The following AMMECR1L variants were observed in gnomAD, a reference collection of about 807,000 sequenced individuals.
The protein encoded by AMMECR1L is AMMECR1 like.
Under a neutral mutation model 36.8 loss-of-function variants are expected in AMMECR1L, and 4 were observed. That is an observed-to-expected ratio of 0.11 (90% CI 0.05 to 0.25). The LOEUF is 0.25. Ranked by LOEUF, AMMECR1L falls within the 10% of genes least tolerant of loss-of-function variation. The pLI is 1.00. For missense variants in AMMECR1L, 232 were observed against 392.1 expected, an observed-to-expected ratio of 0.59 and a Z score of 3.45; for synonymous variants, 147 against 148.0, an observed-to-expected ratio of 0.99 and a Z score of 0.05.
chr2:127,878,313 T>A (rs1691339663), intron 2 of AMMECR1L, among the ~76,000 whole-genome samples: 1 of 152,090 alleles, frequency 6.6e-6, no homozygotes, highest in Non-Finnish European at 1.5e-5. Context: ...GAGCTAGAGA[T>A]ACAGGTCAGA....
In AMMECR1L at chr2:127,869,697, A is replaced by T. The variant is rs1690870542; in HGVS notation, c.634-153T>A. Among the ~76,000 whole-genome samples the T allele has an allele frequency of 6.6e-6, 1 of 152,198 alleles. No individual in the cohort carries two copies. Among genetic ancestry groups the T allele is most frequent in the Non-Finnish European group, 1.5e-5 (1 of 68,034 alleles). On this transcript the variant is annotated intron_variant, in intron 5 of 7. Transcript: ENST00000272647. The surrounding 1 kb of genome is among the most constrained non-coding windows in gnomAD (Gnocchi z 4.7). ...ATTTCATGACTAATTCTATCTCAGG[A>T]GGTATAGAGGCCAAAGAAAGTTCTG... is the stretch of plus-strand genomic sequence containing the variant.
rs1573532380 is a variant in AMMECR1L, at chr2:127,864,759, A to G, written c.*335T>C. The G allele has an allele frequency of 5.7e-6, 1 of 175,602 alleles. No individual in the cohort carries two copies. The highest frequency in any genetic ancestry group is 1.2e-5 in the Non-Finnish European group (1 of 83,330). 10.9% of individuals were successfully genotyped at this position (175,602 alleles called of 1,614,324 possible). ...TCAACCTTCAGGGATCATCAATTTC[A>G]GCTTCCAGCGTGTGGCCAATACCCC... On this transcript the variant is annotated 3_prime_UTR_variant, in exon 8 of 8. Transcript: ENST00000272647.
At position 127,869,560 on chromosome 2, in the gene AMMECR1L, C is replaced by T; in HGVS notation, c.634-16G>A. ...GGACCCCTACCTATAGAAAAAAGTA[C>T]AACCAAGTAAATGGCATTTACTTAC... On this transcript the variant is annotated splice_polypyrimidine_tract_variant and intron_variant, in intron 5 of 7. Coordinates refer to ENST00000272647, the MANE Select transcript of AMMECR1L (RefSeq NM_001199140.2). This position sits in a 1 kb window ranked among gnomAD's most constrained non-coding sequence, Gnocchi z 4.7. 3 of 1,597,234 alleles carry T rather than the reference C, an allele frequency of 1.9e-6. No individual in the cohort carries two copies. Among genetic ancestry groups the T allele is most frequent in the Non-Finnish European group, 2.6e-6 (3 of 1,164,712 alleles).
At chr2:127,885,468 A>T (rs1691726952) in intron 1 of AMMECR1L, 1 of 981,436 alleles carries the variant, frequency 1.0e-6, no homozygotes, top group African/African-American at 1.8e-5. Context: ...GCCGGAGACC[A>T]CCAAACTTTA....
At chr2:127,870,327 T>C (rs1165843225) in intron 5 of AMMECR1L, among the ~76,000 whole-genome samples, 10 of 133,324 alleles carry the variant, frequency 7.5e-5, no homozygotes, top group Non-Finnish European at 1.1e-4. Flanking sequence ...AAAAAAAAAA[T>C]AGCTGGGCAT....
chr2:127,885,685 G>A, intron 1 of AMMECR1L, 125 bp downstream of exon 1: 3 of 983,702 alleles, frequency 3.0e-6, no homozygotes, highest in Non-Finnish European at 3.6e-6. Flanking sequence ...CAGGACCGCG[G>A]GGTCTCTTCC....
Position 127,873,489 on chromosome 2 carries a change from T to A in AMMECR1L, c.407+339A>T, listed in dbSNP as rs141136872. 1 of 985,338 alleles carries A rather than the reference T, an allele frequency of 1.0e-6. No homozygotes were observed. Among genetic ancestry groups the A allele is most frequent in the Non-Finnish European group, 1.2e-6 (1 of 829,942 alleles). The allele number at this position is 985,338 out of a possible 1,614,324, so 61.0% of individuals were successfully genotyped here. Reference sequence around the variant, plus strand: ...CTCACCTGGACTTCAACACTATGGGTGTCCCCAATGGTATGGCGTGACTTC... The same window carrying A: ...CTCACCTGGACTTCAACACTATGGGAGTCCCCAATGGTATGGCGTGACTTC... On this transcript the variant is annotated intron_variant, in intron 3 of 7. Transcript: ENST00000272647. This position sits in a 1 kb window ranked among gnomAD's most constrained non-coding sequence, Gnocchi z 5.2.
intron 2 of AMMECR1L, among the ~76,000 whole-genome samples, chr2:127,883,171 A>G (rs1220339501): frequency 6.7e-6 from 1 of 149,174 alleles, no homozygotes; most frequent in Non-Finnish European, 1.5e-5. Flanking sequence ...ATCTCAGCTC[A>G]CTGCAACCTC....
chr2:127,862,886 A>C lies in AMMECR1L; in HGVS notation c.*2208T>G, dbSNP rs1411843765. 1 of 152,174 alleles carries C rather than the reference A, an allele frequency of 6.6e-6. No homozygotes were observed. Among genetic ancestry groups the C allele is most frequent in the Non-Finnish European group, 1.5e-5 (1 of 68,016 alleles). The allele number at this position is 152,174 out of a possible 1,614,324, so 9.4% of individuals were successfully genotyped here. ...CCTCGATAAAATAAAATAAAATAAA[A>C]TAAAATAATAAAATAAAATAACATA... is the stretch of plus-strand genomic sequence containing the variant. On this transcript the variant is annotated 3_prime_UTR_variant, in exon 8 of 8. Coordinates refer to ENST00000272647, the MANE Select transcript of AMMECR1L (RefSeq NM_001199140.2).
In AMMECR1L at chr2:127,866,870, AATG is replaced by A. The variant is rs1379948174; in HGVS notation, c.821+27_821+29del. 3.1e-6 allele frequency: 5 copies of A among 1,593,646 alleles called. No homozygotes were observed. In the African/African-American group the frequency reaches 4.0e-5, roughly 13 times the overall value. On this transcript the variant is annotated intron_variant, in intron 7 of 7. Coordinates refer to ENST00000272647, the MANE Select transcript of AMMECR1L (RefSeq NM_001199140.2). ...CTCCATTCAACCCCAACTAAATTGA[AATG>A]ATAAGGAAAACAAGACAATGGCTTA... is the stretch of plus-strand genomic sequence containing the variant.
intron 6 of AMMECR1L, chr2:127,867,308 C>T (rs1231596050): frequency 1.0e-6 from 1 of 985,314 alleles, no homozygotes; most frequent in East Asian, 1.1e-4. Flanking sequence ...CCAACTTAGA[C>T]CAGCCTATTG....
intron 2 of AMMECR1L, among the ~76,000 whole-genome samples, chr2:127,883,469 CCT>C (rs531692333): frequency 2.0e-3 from 303 of 152,246 alleles, no homozygotes; most frequent in African/African-American, 7.1e-3. Context: ...TTTCACCTCC[CCT>C]CTGTTTTCTA....
intron 2 of AMMECR1L, among the ~76,000 whole-genome samples, chr2:127,881,070 C>T (rs1691480116): frequency 6.8e-6 from 1 of 146,490 alleles, no homozygotes; most frequent in African/African-American, 2.6e-5. Flanking sequence ...GTCATCCTTG[C>T]TAAAACATAC....
chr2:127,876,196 A>C (rs892834524), intron 2 of AMMECR1L, among the ~76,000 whole-genome samples: 9 of 152,184 alleles, frequency 5.9e-5, no homozygotes, highest in Non-Finnish European at 1.2e-4. Flanking sequence ...AAAAAATAAA[A>C]AAAATTAGCT....
intron 2 of AMMECR1L, among the ~76,000 whole-genome samples, chr2:127,883,117 A>T (rs867046764): frequency 8.8e-6 from 1 of 113,440 alleles, no homozygotes. Flanking sequence ...TTTTTTTTTT[A>T]GACAGAGTCT....
At position 127,862,166 on chromosome 2, in the gene AMMECR1L, G is replaced by T. The variant is rs1310788303; in HGVS notation, c.*2928C>A. Reference sequence around the variant, plus strand: ...TTACAGAGAGAATGTCCTAGCTGTGGGTATTATGAGACAAGCCAACTTTCC... The same window carrying T: ...TTACAGAGAGAATGTCCTAGCTGTGTGTATTATGAGACAAGCCAACTTTCC... On this transcript the variant is annotated 3_prime_UTR_variant, in exon 8 of 8. Transcript: ENST00000272647. The T allele has an allele frequency of 6.5e-6, 1 of 153,628 alleles. No homozygotes were observed. 9.5% of individuals were successfully genotyped at this position (153,628 alleles called of 1,614,324 possible).
chr2:127,876,954 T>C (rs1402188418), intron 2 of AMMECR1L, among the ~76,000 whole-genome samples: 1 of 151,100 alleles, frequency 6.6e-6, no homozygotes, highest in Non-Finnish European at 1.5e-5. Flanking sequence ...GAGGTGGAAG[T>C]TGCAGTAAGC....
intron 5 of AMMECR1L, among the ~76,000 whole-genome samples, chr2:127,870,462 C>T (rs545150679): frequency 5.9e-5 from 9 of 151,638 alleles, no homozygotes; most frequent in Middle Eastern, 3.4e-3. Context: ...GGAACAAGAA[C>T]GAAATTCCAT....
At chr2:127,882,563 TC>T (rs1373744714) in intron 2 of AMMECR1L, among the ~76,000 whole-genome samples, 1 of 152,142 alleles carries the variant, frequency 6.6e-6, no homozygotes, top group African/African-American at 2.4e-5. Context: ...GTGAAAATTT[TC>T]CCCCACAAAT....
Sources: gnomAD v4.1 joint callset for allele counts (sites outside exome capture counted in the v4.1 genomes callset) on GRCh38, gnomAD v4.1.1 for gene constraint, Gnocchi (gnomAD v3.1) non-coding constraint, MANE v1.5 for transcripts, NCBI Gene and HGNC (gene_info 2026-07-23, HGNC 2026-07-21) for gene names.